IMMP2L: variants seen among roughly 807,000 people sequenced by gnomAD.
IMMP2L encodes inner mitochondrial membrane peptidase subunit 2, also known as mitochondrial inner membrane protease subunit 2.
A neutral mutation model predicts 19.3 loss-of-function variants in IMMP2L; 18 were observed. The observed-to-expected ratio is 0.93, with a 90% confidence interval of 0.64 to 1.38. The LOEUF is 1.38. Ranked by LOEUF, IMMP2L falls within the 40% of genes most tolerant of loss-of-function variation. The probability of loss-of-function intolerance (pLI) is 0.00; values close to 1 mark genes in which losing one functional copy is unlikely to be tolerated. For missense variants in IMMP2L, 233 were observed against 218.2 expected (o/e 1.07, Z -0.43); for synonymous variants, 76 against 73.0 (o/e 1.04, Z -0.21).
intron 5 of IMMP2L, among the ~76,000 whole-genome samples, chr7:110,835,893 C>T (rs1243573600): frequency 6.6e-6 from 1 of 152,048 alleles, no homozygotes; most frequent in Admixed American, 6.6e-5. Flanking sequence ...ACCCATTTTT[C>T]CCAATGGGTC....
At chr7:110,952,002 T>G (rs1277865694) in intron 4 of IMMP2L, among the ~76,000 whole-genome samples, 1 of 152,124 alleles carries the variant, frequency 6.6e-6, no homozygotes, top group Non-Finnish European at 1.5e-5. Context: ...GGCTGAAATA[T>G]TCAAGACTCT....
intron 3 of IMMP2L, among the ~76,000 whole-genome samples, chr7:111,293,047 A>G (rs1047320474): frequency 6.6e-6 from 1 of 151,962 alleles, no homozygotes; most frequent in South Asian, 2.1e-4. Flanking sequence ...TTTCAGTCAG[A>G]GCAGCAGCAA....
intron 3 of IMMP2L, among the ~76,000 whole-genome samples, chr7:111,092,740 T>C (rs138721804): frequency 4.4e-4 from 67 of 152,286 alleles, no homozygotes; most frequent in Middle Eastern, 3.4e-3. Flanking sequence ...CTACTTAGAA[T>C]ATGCTTTCAA....
At chr7:110,820,886 T>C (rs970187075) in intron 5 of IMMP2L, among the ~76,000 whole-genome samples, 2 of 152,036 alleles carry the variant, frequency 1.3e-5, no homozygotes, top group African/African-American at 4.8e-5. Context: ...GAGCTCTCTT[T>C]TCCTCATCTA....
intron 3 of IMMP2L, among the ~76,000 whole-genome samples, chr7:111,302,346 C>T (rs561673853): frequency 6.6e-6 from 1 of 152,256 alleles, no homozygotes; most frequent in South Asian, 2.1e-4. Flanking sequence ...ATATAAGTTT[C>T]ATATGAACAG....
intron 5 of IMMP2L, among the ~76,000 whole-genome samples, chr7:110,740,077 A>G (rs894284182): frequency 6.6e-6 from 1 of 152,206 alleles, no homozygotes. Context: ...CTAAGAGGAA[A>G]GTTCATAGCA....
chr7:111,196,731 T>C (rs1268583096), intron 3 of IMMP2L, among the ~76,000 whole-genome samples: 1 of 152,188 alleles, frequency 6.6e-6, no homozygotes, highest in African/African-American at 2.4e-5. Context: ...AAATAATCAT[T>C]GTTAATGGTT....
At chr7:111,387,850 C>A (rs780847235) in intron 3 of IMMP2L, among the ~76,000 whole-genome samples, 1 of 151,452 alleles carries the variant, frequency 6.6e-6, no homozygotes, top group Non-Finnish European at 1.5e-5. Flanking sequence ...GTGGCGCGTG[C>A]CTGCAGTTCC....
chr7:110,940,881 T>C (rs1048307245), intron 4 of IMMP2L, among the ~76,000 whole-genome samples: 1 of 152,200 alleles, frequency 6.6e-6, no homozygotes, highest in African/African-American at 2.4e-5. Context: ...AAAGTCTTTA[T>C]GATTAATATG....
intron 1 of IMMP2L, among the ~76,000 whole-genome samples, chr7:111,522,938 T>TATATATA (rs199823915): frequency 4.0e-5 from 6 of 148,814 alleles, no homozygotes; most frequent in African/African-American, 1.5e-4. Context: ...TATATATATA[T>TATATATA]TATTTCACCA....
intron 3 of IMMP2L, chr7:111,392,907 C>T: frequency 4.4e-6 from 2 of 450,252 alleles, no homozygotes; most frequent in Non-Finnish European, 4.5e-6. Flanking sequence ...CCCCATGGAG[C>T]TGGGGGGTCC....
At chr7:110,778,444 T>C (rs540260679) in intron 5 of IMMP2L, among the ~76,000 whole-genome samples, 54 of 152,150 alleles carry the variant, frequency 3.5e-4, no homozygotes, top group African/African-American at 1.3e-3. Context: ...GTATTCATCA[T>C]CGTTTACTTC....
intron 3 of IMMP2L, among the ~76,000 whole-genome samples, chr7:111,033,045 G>A (rs914944382): frequency 1.3e-5 from 2 of 151,294 alleles, no homozygotes; most frequent in African/African-American, 4.9e-5. Context: ...ACTTGAACCT[G>A]GGAGGCAGAG....
At chr7:110,664,602 A>G (rs1470165628) in intron 5 of IMMP2L, among the ~76,000 whole-genome samples, 1 of 152,166 alleles carries the variant, frequency 6.6e-6, no homozygotes, top group African/African-American at 2.4e-5. Flanking sequence ...GAACATAGCA[A>G]ACTTGTTTAA....
chr7:111,276,748 G>A (rs1819114849), intron 3 of IMMP2L, among the ~76,000 whole-genome samples: 1 of 151,590 alleles, frequency 6.6e-6, no homozygotes, highest in African/African-American at 2.4e-5. Context: ...AACAGAGTAT[G>A]GGACTGATAT....
rs918400753 is a variant in IMMP2L, at chr7:110,818,775, C to T, written c.408+67818G>A. The stretch of plus-strand genomic sequence containing the variant: ...CACATATACACCATGGAATACTATG[C>T]AGCCATAAAAAATGATGAGTTCATG... On this transcript the variant is annotated intron_variant, in intron 5 of 5. Transcript: ENST00000405709. 3.3e-5 allele frequency among the ~76,000 whole-genome samples: 5 copies of T among 151,906 alleles called. No individual in the cohort carries two copies. In the South Asian group the frequency reaches 6.2e-4, roughly 19 times the overall value.
At chr7:111,091,627 T>C (rs989281778) in intron 3 of IMMP2L, 4 of 152,216 alleles carry the variant, frequency 2.6e-5, no homozygotes, top group African/African-American at 4.8e-5. Flanking sequence ...AGAGCATTTT[T>C]CTTTTATTGC....
intron 3 of IMMP2L, among the ~76,000 whole-genome samples, chr7:111,069,074 T>C (rs967729772): frequency 1.3e-4 from 20 of 152,230 alleles, no homozygotes; most frequent in Admixed American, 7.9e-4. Context: ...TGGTAAATGA[T>C]TCCTTTTGCA....
At chr7:111,233,236 C>T (rs1485852997) in intron 3 of IMMP2L, among the ~76,000 whole-genome samples, 1 of 152,004 alleles carries the variant, frequency 6.6e-6, no homozygotes, top group Non-Finnish European at 1.5e-5. Context: ...AATACAATCT[C>T]TAAAATAATA....
Sources: gnomAD v4.1 joint callset for allele counts (sites outside exome capture counted in the v4.1 genomes callset) on GRCh38, gnomAD v4.1.1 for gene constraint, MANE v1.5 for transcripts, NCBI Gene and HGNC (gene_info 2026-07-23, HGNC 2026-07-21) for gene names.